LGR6: variants seen among roughly 807,000 people sequenced by gnomAD.
LGR6 encodes the protein leucine-rich repeat-containing G protein-coupled receptor 6.
In LGR6, 45 loss-of-function variants were observed where a neutral mutation model predicts 69.4. The ratio of observed to expected loss-of-function variants is 0.65; its 90% CI spans 0.51 to 0.83. The LOEUF is 0.83. LGR6 is among the 40% of genes least tolerant of loss of function. LGR6 has a pLI of 0.00. For missense variants in LGR6, 1,108 were observed against 1,246.7 expected (o/e 0.89, Z 1.68); for synonymous variants, 538 against 555.0 (o/e 0.97, Z 0.43).
intron 4 of LGR6, among the ~76,000 whole-genome samples, chr1:202,244,690 A>G (rs1662497956): frequency 6.6e-6 from 1 of 151,854 alleles, no homozygotes; most frequent in African/African-American, 2.4e-5. Context: ...TCCTTAATAC[A>G]TTTGCAAAGG....
chr1:202,220,867 A>T (rs905161842), intron 1 of LGR6, among the ~76,000 whole-genome samples: 1 of 152,074 alleles, frequency 6.6e-6, no homozygotes, highest in African/African-American at 2.4e-5. Flanking sequence ...ACACACACAA[A>T]CACATACACT....
At chr1:202,255,723 C>T (rs745485550) in intron 4 of LGR6, among the ~76,000 whole-genome samples, 14 of 152,218 alleles carry the variant, frequency 9.2e-5, no homozygotes, top group Non-Finnish European at 1.9e-4. Flanking sequence ...GTTAACATTT[C>T]TGTGTATTTC....
chr1:202,202,195 T>C (rs1364061304), intron 1 of LGR6, among the ~76,000 whole-genome samples: 1 of 152,154 alleles, frequency 6.6e-6, no homozygotes, highest in African/African-American at 2.4e-5. Flanking sequence ...TTGGGGCTTT[T>C]GTACTTCATC....
chr1:202,266,904 G>GCA (rs373412296), intron 4 of LGR6, among the ~76,000 whole-genome samples: 2,604 of 150,886 alleles, frequency 0.017, 89 homozygotes, highest in African/African-American at 0.06. Context: ...TCTAACGCGC[G>GCA]CACACACACA....
chr1:202,240,489 T>TG (rs1279860105), intron 4 of LGR6, among the ~76,000 whole-genome samples: 1 of 152,012 alleles, frequency 6.6e-6, no homozygotes, highest in Non-Finnish European at 1.5e-5. Context: ...GTTGAGTTTG[T>TG]GGTGCCTGCA....
chr1:202,273,256 T>C (rs746727745), intron 4 of LGR6, among the ~76,000 whole-genome samples: 8 of 152,124 alleles, frequency 5.3e-5, no homozygotes, highest in Non-Finnish European at 1.2e-4. Context: ...GTCATGGTTG[T>C]CACTGTAGGG....
intron 4 of LGR6, among the ~76,000 whole-genome samples, chr1:202,252,739 A>G (rs1040780797): frequency 2.6e-5 from 4 of 152,230 alleles, no homozygotes; most frequent in Non-Finnish European, 5.9e-5. Context: ...GCAGGTGTGA[A>G]AAGTTTGGAA....
In LGR6 at chr1:202,256,547, T is replaced by C. The variant is rs545263320; in HGVS notation, c.429-19759T>C. 2.0e-5 allele frequency among the ~76,000 whole-genome samples: 3 copies of C among 152,352 alleles called. No individual in the cohort carries two copies. The South Asian group carries it at 6.2e-4, about 32-fold the overall frequency. On this transcript the variant is annotated intron_variant, in intron 4 of 17. Coordinates refer to ENST00000367278, the MANE Select transcript of LGR6 (RefSeq NM_001017403.2). ...CGTGAGCCACCGCGCCTGACCACCT[T>C]ATTCCTTTTTATAGCTGAATTATAT...
chr1:202,205,697 TACAC>T (rs1316033751), intron 1 of LGR6, among the ~76,000 whole-genome samples: 18 of 80,360 alleles, frequency 2.2e-4, no homozygotes, highest in African/African-American at 8.0e-4. Flanking sequence ...CCTTCAAACA[TACAC>T]ACACACCCCT....
At chr1:202,194,881 C>T (rs1470835625) in intron 1 of LGR6, among the ~76,000 whole-genome samples, 2 of 152,118 alleles carry the variant, frequency 1.3e-5, no homozygotes, top group Non-Finnish European at 2.9e-5. Context: ...GGGCAGGCGC[C>T]GAGGCTGAAA....
At chr1:202,264,958 C>A (rs1356435343) in intron 4 of LGR6, among the ~76,000 whole-genome samples, 1 of 152,014 alleles carries the variant, frequency 6.6e-6, no homozygotes, top group East Asian at 1.9e-4. Flanking sequence ...GTTGGAATTG[C>A]CTTCGTTTTA....
chr1:202,303,197 G>T, intron 9 of LGR6, 82 bp from the exon 10 acceptor site: 1 of 1,077,598 alleles, frequency 9.3e-7, no homozygotes, highest in South Asian at 1.3e-5. Flanking sequence ...AGTCCCGGAG[G>T]GGAGACAAAA....
At chr1:202,198,339 C>T (rs1394561187) in intron 1 of LGR6, among the ~76,000 whole-genome samples, 3 of 152,216 alleles carry the variant, frequency 2.0e-5, no homozygotes, top group African/African-American at 7.2e-5. Flanking sequence ...AGTTTCCTCA[C>T]CTGTAAACAG....
At chr1:202,231,491 T>C (rs1303906636) in intron 3 of LGR6, among the ~76,000 whole-genome samples, 1 of 152,120 alleles carries the variant, frequency 6.6e-6, no homozygotes, top group Non-Finnish European at 1.5e-5. Context: ...GCTCTGTGGA[T>C]CTCATGTGCA....
intron 4 of LGR6, among the ~76,000 whole-genome samples, chr1:202,248,866 T>C (rs1368886898): frequency 6.6e-6 from 1 of 152,172 alleles, no homozygotes; most frequent in Non-Finnish European, 1.5e-5. Flanking sequence ...TGCAGCACCT[T>C]TCTGGGGCTG....
chr1:202,292,984 A>C (rs1174699883), intron 6 of LGR6, among the ~76,000 whole-genome samples: 1 of 152,226 alleles, frequency 6.6e-6, no homozygotes, highest in Non-Finnish European at 1.5e-5. Context: ...GATATGAGTG[A>C]CTAATTTAAT....
chr1:202,205,954 CACACACAGACACACA>C (rs1458422742), intron 1 of LGR6, among the ~76,000 whole-genome samples: 1 of 131,582 alleles, frequency 7.6e-6, no homozygotes, highest in Non-Finnish European at 1.6e-5. Context: ...AGAACACACA[CACACACAGACACACA>C]ACACACACAC....
rs1572037587 is a variant in LGR6 at position 202,319,333 on chromosome 1, T to C, written c.*126T>C. On this transcript the variant is annotated 3_prime_UTR_variant, in exon 18 of 18. Coordinates refer to ENST00000367278, the MANE Select transcript of LGR6 (RefSeq NM_001017403.2). ...TGTGATCTATAGCAGGATGGCCCAG[T>C]CCCTGGCTCCACTGATCACCTCTCT... 1.8e-6 allele frequency: 2 copies of C among 1,102,986 alleles called. No homozygotes were observed. Among genetic ancestry groups the C allele is most frequent in the Non-Finnish European group, 1.3e-6 (1 of 795,064 alleles). The allele number at this position is 1,102,986 out of a possible 1,614,324, so 68.3% of individuals were successfully genotyped here.
intron 1 of LGR6, among the ~76,000 whole-genome samples, chr1:202,201,188 G>A (rs1030756305): frequency 6.6e-6 from 1 of 152,176 alleles, no homozygotes; most frequent in African/African-American, 2.4e-5. Context: ...CCAGCACGGT[G>A]AGGATACCTT....
Sources: allele counts gnomAD v4.1 joint callset (sites outside exome capture counted in the v4.1 genomes callset), GRCh38; gene constraint gnomAD v4.1.1; transcripts MANE v1.5; gene names NCBI Gene and HGNC (gene_info 2026-07-23, HGNC 2026-07-21).